Variants in LGR5 observed in about 807,000 individuals in gnomAD.
The protein encoded by LGR5 is leucine-rich repeat-containing G protein-coupled receptor 5.
Under a neutral mutation model 76.7 loss-of-function variants are expected in LGR5, and 54 were observed. The observed-to-expected ratio is 0.70, with a 90% CI of 0.57 to 0.88. The LOEUF is 0.88. Ranked by LOEUF, LGR5 falls within the 40% of genes least tolerant of loss-of-function variation. The probability of loss-of-function intolerance (pLI) is 0.00; values close to 1 mark genes in which losing one functional copy is unlikely to be tolerated. For synonymous variants in LGR5, 406 were observed against 421.9 expected, an observed-to-expected ratio of 0.96 and a Z score of 0.46; for missense variants, 1,078 against 1,073.3, an observed-to-expected ratio of 1.00 and a Z score of -0.06.
intron 1 of LGR5, among the ~76,000 whole-genome samples, chr12:71,465,099 G>T (rs553167003): frequency 6.6e-6 from 1 of 152,114 alleles, no homozygotes; most frequent in Non-Finnish European, 1.5e-5. Context: ...GTGCCTCCTC[G>T]AAGTATGACC....
intron 1 of LGR5, among the ~76,000 whole-genome samples, chr12:71,501,460 C>T (rs1028621744): frequency 2.0e-5 from 3 of 152,170 alleles, no homozygotes; most frequent in Non-Finnish European, 4.4e-5. Context: ...GAGTTTCAGT[C>T]CTCTCTAACA....
intron 1 of LGR5, among the ~76,000 whole-genome samples, chr12:71,459,552 A>C (rs1872610455): frequency 6.6e-6 from 1 of 152,122 alleles, no homozygotes; most frequent in South Asian, 2.1e-4. Context: ...TAAGTTTATT[A>C]ATTCAACTAT....
At chr12:71,559,134 TG>T (rs1488668535) in intron 6 of LGR5, among the ~76,000 whole-genome samples, 1 of 152,108 alleles carries the variant, frequency 6.6e-6, no homozygotes, top group Non-Finnish European at 1.5e-5. Flanking sequence ...AAAGCAGCCC[TG>T]CAAGATTTCA....
intron 1 of LGR5, among the ~76,000 whole-genome samples, chr12:71,450,480 TC>T (rs1173113272): frequency 6.6e-6 from 1 of 152,214 alleles, no homozygotes. Flanking sequence ...ACTTCTTTTT[TC>T]TTTTTTTGGT....
At chr12:71,489,883 T>A (rs60087567) in intron 1 of LGR5, among the ~76,000 whole-genome samples, 3,469 of 152,020 alleles carry the variant, frequency 0.023, 133 homozygotes, top group African/African-American at 0.079. Flanking sequence ...GGCAACATAG[T>A]GAGAAGCCAT....
chr12:71,526,804 C>T (rs1217446156), intron 3 of LGR5, among the ~76,000 whole-genome samples: 3 of 151,980 alleles, frequency 2.0e-5, no homozygotes, highest in Non-Finnish European at 2.9e-5. Context: ...AGAGGCTTTC[C>T]CAGAGATGAC....
At chr12:71,564,858 CAT>C (rs1267790536) in intron 8 of LGR5, among the ~76,000 whole-genome samples, 2 of 150,452 alleles carry the variant, frequency 1.3e-5, no homozygotes, top group Non-Finnish European at 3.0e-5. Flanking sequence ...TATATATACA[CAT>C]ATATGTGCAC....
chr12:71,506,516 G>A (rs781451089), intron 2 of LGR5, among the ~76,000 whole-genome samples: 6 of 151,952 alleles, frequency 3.9e-5, no homozygotes, highest in South Asian at 2.1e-4. Flanking sequence ...TGGTGTTTGC[G>A]GAGAGAACTA....
intron 2 of LGR5, among the ~76,000 whole-genome samples, chr12:71,507,198 T>C (rs1388509556): frequency 6.6e-6 from 1 of 151,912 alleles, no homozygotes; most frequent in Non-Finnish European, 1.5e-5. Flanking sequence ...CATAATGGAG[T>C]TGGTATGTAT....
chr12:71,524,542 T>G (rs565279821), intron 3 of LGR5, 65 bp downstream of exon 3: 1 of 1,144,636 alleles, frequency 8.7e-7, no homozygotes, highest in East Asian at 2.4e-5. Context: ...CTAATTAACT[T>G]GTAAAAGCTG....
chr12:71,573,195 C>T (rs1273103264), intron 13 of LGR5, among the ~76,000 whole-genome samples: 1 of 152,146 alleles, frequency 6.6e-6, no homozygotes, highest in Non-Finnish European at 1.5e-5. Context: ...TGTTTTCTGT[C>T]CACAACCTGG....
At chr12:71,556,586 G>A (rs772929831) in intron 5 of LGR5, 33 bp from the exon 6 acceptor site, 8 of 1,363,988 alleles carry the variant, frequency 5.9e-6, no homozygotes, top group Admixed American at 3.4e-5. Flanking sequence ...TGTGCAGTGT[G>A]CCTTCCTAAC....
chr12:71,462,443 T>G (rs1300702108), intron 1 of LGR5, among the ~76,000 whole-genome samples: 2 of 152,174 alleles, frequency 1.3e-5, no homozygotes, highest in African/African-American at 4.8e-5. Flanking sequence ...CCATATTCTC[T>G]TTTCAACTTT....
At chr12:71,538,144 C>A (rs768014540) in intron 4 of LGR5, among the ~76,000 whole-genome samples, 2 of 152,088 alleles carry the variant, frequency 1.3e-5, no homozygotes, top group Non-Finnish European at 2.9e-5. Flanking sequence ...CTACAGCAGG[C>A]CTTCTCAACA....
rs148753540 is a variant in LGR5 at position 71,578,189 on chromosome 12, A to T, written c.1280+193A>T. 4.5e-3 allele frequency among the ~76,000 whole-genome samples: 682 copies of T among 152,328 alleles called. 8 individuals are homozygous for T. Among genetic ancestry groups the T allele is most frequent in the Non-Finnish European group, 6.0e-3 (408 of 68,034 alleles). The stretch of plus-strand genomic sequence containing the variant: ...GGGCCACATGGGCCATTAAGTGGAT[A>T]ATTGAAGATTTGGGTGACACCTGGT... On this transcript the variant is annotated intron_variant, in intron 14 of 17. Coordinates refer to ENST00000266674, the MANE Select transcript of LGR5 (RefSeq NM_003667.4).
chr12:71,503,599 T>A (rs1874710173), intron 1 of LGR5, among the ~76,000 whole-genome samples: 1 of 152,220 alleles, frequency 6.6e-6, no homozygotes. Flanking sequence ...TTAGGTGCAA[T>A]GGATGTGTCC....
chr12:71,465,591 C>T (rs1458365868), intron 1 of LGR5, among the ~76,000 whole-genome samples: 1 of 152,170 alleles, frequency 6.6e-6, no homozygotes, highest in Non-Finnish European at 1.5e-5. Flanking sequence ...CCTCAGAATA[C>T]TACCATGCTA....
At chr12:71,487,917 G>T (rs1312106516) in intron 1 of LGR5, among the ~76,000 whole-genome samples, 1 of 152,092 alleles carries the variant, frequency 6.6e-6, no homozygotes, top group African/African-American at 2.4e-5. Flanking sequence ...GTAGTTATAC[G>T]CCATCCCCTT....
intron 1 of LGR5, among the ~76,000 whole-genome samples, chr12:71,496,255 CA>C (rs1423982126): frequency 6.6e-6 from 1 of 151,354 alleles, no homozygotes; most frequent in Non-Finnish European, 1.5e-5. Context: ...CCTGTAGTAC[CA>C]GATACTCGGG....
Sources: allele counts gnomAD v4.1 joint callset (sites outside exome capture counted in the v4.1 genomes callset), GRCh38; gene constraint gnomAD v4.1.1; transcripts MANE v1.5; gene names NCBI Gene and HGNC (gene_info 2026-07-23, HGNC 2026-07-21).